Variants in NFIC observed in about 807,000 individuals in gnomAD.
NFIC encodes the protein nuclear factor 1 C-type.
A neutral mutation model predicts 54.4 loss-of-function variants in NFIC; 12 were observed. The ratio of observed to expected loss-of-function variants is 0.22; its 90% confidence interval spans 0.14 to 0.36. NFIC has a LOEUF of 0.36. NFIC is among the 10% of genes least tolerant of loss of function. The probability of loss-of-function intolerance (pLI) is 1.00; values close to 1 mark genes in which losing one functional copy is unlikely to be tolerated. For synonymous variants in NFIC, 322 were observed against 319.2 expected (o/e 1.01, Z -0.09); for missense variants, 575 against 718.2 (o/e 0.80, Z 2.28).
chr19:3,406,622 C>T (rs76170293), intron 2 of NFIC, among the ~76,000 whole-genome samples: 2 of 152,134 alleles, frequency 1.3e-5, no homozygotes, highest in African/African-American at 4.8e-5. Flanking sequence ...AAAAGCATCA[C>T]AGTTTTCTCC....
chr19:3,426,185 G>A (rs1044993394), intron 3 of NFIC, among the ~76,000 whole-genome samples: 3 of 150,782 alleles, frequency 2.0e-5, no homozygotes, highest in Admixed American at 6.6e-5. Flanking sequence ...CACCCACCTC[G>A]GCCTCCCGAA....
intron 2 of NFIC, among the ~76,000 whole-genome samples, chr19:3,382,626 G>A (rs529065704): frequency 8.5e-5 from 13 of 152,084 alleles, no homozygotes; most frequent in East Asian, 3.9e-4. Context: ...AGGGTCTGAG[G>A]GAGGAGGCTG....
At chr19:3,436,567 T>C (rs2082207490) in intron 6 of NFIC, among the ~76,000 whole-genome samples, 1 of 151,152 alleles carries the variant, frequency 6.6e-6, no homozygotes, top group Admixed American at 6.6e-5. Context: ...CCCTTCCTCC[T>C]GAGTTCAAGC....
At chr19:3,413,917 G>A (rs547608732) in intron 2 of NFIC, among the ~76,000 whole-genome samples, 1 of 152,118 alleles carries the variant, frequency 6.6e-6, no homozygotes, top group Non-Finnish European at 1.5e-5. Flanking sequence ...GCATTTCAAC[G>A]ACCTGAAGTG....
intron 2 of NFIC, among the ~76,000 whole-genome samples, chr19:3,416,162 CAAA>C (rs1228601674): frequency 1.8e-5 from 2 of 113,294 alleles, no homozygotes; most frequent in Non-Finnish European, 1.9e-5. Context: ...GGCCCTGTCT[CAAA>C]AAAAAAAAAA....
intron 6 of NFIC, among the ~76,000 whole-genome samples, chr19:3,448,458 C>A (rs1048129150): frequency 2.0e-5 from 3 of 152,264 alleles, no homozygotes; most frequent in South Asian, 2.1e-4. Context: ...TTGTCCCAGG[C>A]AGCCTGGGAG....
intron 6 of NFIC, among the ~76,000 whole-genome samples, chr19:3,442,117 A>C (rs1015110112): frequency 6.6e-6 from 1 of 152,098 alleles, no homozygotes; most frequent in Non-Finnish European, 1.5e-5. Context: ...CAGGCCCCAC[A>C]TTCCAGCCTC....
Position 3,459,157 on chromosome 19 carries a change from C to T in NFIC, c.1509+2522C>T, listed in dbSNP as rs900779464. 5.3e-5 allele frequency among the ~76,000 whole-genome samples: 8 copies of T among 152,064 alleles called. No individual in the cohort carries two copies. The South Asian group carries it at 6.2e-4, about 12-fold the overall frequency. ...CCGCCTCCTCTATTCCTGGCGGATT[C>T]GCTTCCCTCTGCCCCCTCCTCCCCC... On this transcript the variant is annotated intron_variant, in intron 10 of 10. Coordinates refer to ENST00000443272, the MANE Select transcript of NFIC (RefSeq NM_001245002.2). This position sits in a 1 kb window ranked among gnomAD's most constrained non-coding sequence, Gnocchi z 4.2.
exon 1 of NFIC, chr19:3,359,647 G>T (rs1360275064): frequency 1.5e-6 from 2 of 1,357,948 alleles, no homozygotes; most frequent in South Asian, 3.4e-5. Context: ...GAGCGCGCTC[G>T]CTCCGGCGCC....
intron 2 of NFIC, among the ~76,000 whole-genome samples, chr19:3,383,972 G>A (rs1191131542): frequency 6.6e-6 from 1 of 152,040 alleles, no homozygotes; most frequent in Non-Finnish European, 1.5e-5. Context: ...TTCTAGAGCT[G>A]GTGCAAGGGT....
At position 3,463,438 on chromosome 19, in the gene NFIC, G is replaced by T. The variant is rs1164472425; in HGVS notation, c.*669G>T. 1.0e-6 allele frequency: 1 copy of T among 985,504 alleles called. No homozygotes were observed. The highest frequency in any genetic ancestry group is 1.2e-6 in the Non-Finnish European group (1 of 830,022). 61.0% of individuals were successfully genotyped at this position (985,504 alleles called of 1,614,324 possible). On this transcript the variant is annotated 3_prime_UTR_variant, in exon 11 of 11. Coordinates refer to ENST00000443272, the MANE Select transcript of NFIC (RefSeq NM_001245002.2). The stretch of plus-strand genomic sequence containing the variant: ...TCGCGGGGGTGCGTGGCGCTTGCGA[G>T]CCCTGGCCAGGGGAGGAAGTGAGGC...
intron 2 of NFIC, among the ~76,000 whole-genome samples, chr19:3,423,825 G>A (rs892292263): frequency 9.2e-5 from 14 of 151,996 alleles, no homozygotes; most frequent in South Asian, 2.1e-4. Context: ...GTCCCTGAAC[G>A]GCAACCCAGG....
chr19:3,428,001 C>G (rs1442425725), intron 3 of NFIC, among the ~76,000 whole-genome samples: 1 of 151,200 alleles, frequency 6.6e-6, no homozygotes, highest in African/African-American at 2.4e-5. Context: ...GAAACCCTGT[C>G]TCTACTGAAT....
chr19:3,459,808 C>T lies in NFIC; in HGVS notation c.1510-2944C>T, dbSNP rs2082614344. On this transcript the variant is annotated intron_variant, in intron 10 of 10. Coordinates refer to ENST00000443272, the MANE Select transcript of NFIC (RefSeq NM_001245002.2). The surrounding 1 kb of genome is among the most constrained non-coding windows in gnomAD (Gnocchi z 4.2). ...CTTGAACTTGGCTGGAGGTGGGGCG[C>T]TGGGAACCACTGTGGCGCCAGTTCC... Among the ~76,000 whole-genome samples, 3 of 152,230 alleles carry T rather than the reference C, an allele frequency of 2.0e-5. No homozygotes were observed. The highest frequency in any genetic ancestry group is 6.5e-5 in the Admixed American group (1 of 15,290).
intron 6 of NFIC, 73 bp from the exon 7 acceptor site, chr19:3,448,941 C>T (rs2082413094): frequency 6.5e-7 from 1 of 1,527,868 alleles, no homozygotes; most frequent in Non-Finnish European, 8.8e-7. Context: ...CCTTCGGAGG[C>T]TGGCTTTGGG....
intron 1 of NFIC, among the ~76,000 whole-genome samples, chr19:3,379,453 C>T (rs940788072): frequency 2.6e-5 from 4 of 151,732 alleles, no homozygotes; most frequent in African/African-American, 9.7e-5. Context: ...CTCCTGGGTT[C>T]TCCTGCCTCA....
chr19:3,402,454 A>G (rs1301111015), intron 2 of NFIC, among the ~76,000 whole-genome samples: 1 of 152,032 alleles, frequency 6.6e-6, no homozygotes, highest in Non-Finnish European at 1.5e-5. Flanking sequence ...TCTTTCTACA[A>G]ATATTTATTG....
At chr19:3,462,006 A>G (rs2082647408) in intron 10 of NFIC, among the ~76,000 whole-genome samples, 1 of 151,740 alleles carries the variant, frequency 6.6e-6, no homozygotes, top group African/African-American at 2.4e-5. Context: ...ATGAGCCGAG[A>G]TCATGCCACT....
intron 6 of NFIC, among the ~76,000 whole-genome samples, chr19:3,444,571 G>A (rs1185407216): frequency 6.6e-6 from 1 of 152,188 alleles, no homozygotes; most frequent in Non-Finnish European, 1.5e-5. Context: ...TCTTTCTCGC[G>A]GTGCCTGAGC....
Sources: gnomAD v4.1 joint callset for allele counts (sites outside exome capture counted in the v4.1 genomes callset) on GRCh38, gnomAD v4.1.1 for gene constraint, Gnocchi (gnomAD v3.1) non-coding constraint, MANE v1.5 for transcripts, NCBI Gene and HGNC (gene_info 2026-07-23, HGNC 2026-07-21) for gene names.